The following XKR9 variants were observed in gnomAD, a reference collection of about 807,000 sequenced individuals.
XKR9 encodes the protein XK related 9.
A neutral mutation model predicts 32.0 loss-of-function variants in XKR9; 32 were observed. That is an observed-to-expected ratio of 1.00 (90% CI 0.76 to 1.34). The LOEUF is 1.34. XKR9 is among the 40% of genes most tolerant of loss of function. The pLI is 0.00. For synonymous variants in XKR9, 168 were observed against 143.4 expected (o/e 1.17, Z -1.22); for missense variants, 546 against 429.7 (o/e 1.27, Z -2.39).
At chr8:70,878,967 A>G in the XKR9 span, among the ~76,000 whole-genome samples, 13 of 152,238 alleles carry the variant, frequency 8.5e-5, no homozygotes, top group African/African-American at 3.1e-4. Flanking sequence ...CTCAGACCAC[A>G]GTACAATCAA....
chr8:71,031,715 A>G, the XKR9 span, among the ~76,000 whole-genome samples: 1 of 152,236 alleles, frequency 6.6e-6, no homozygotes, highest in Admixed American at 6.5e-5. Flanking sequence ...TGTTTTTTCA[A>G]TCTGAGTAAA....
At chr8:70,870,792 T>C in the XKR9 span, among the ~76,000 whole-genome samples, 1 of 152,214 alleles carries the variant, frequency 6.6e-6, no homozygotes, top group Non-Finnish European at 1.5e-5. Context: ...AAAATAAATC[T>C]TTAGCTCATA....
chr8:70,703,954 G>A (rs1395740622), intron 3 of XKR9, among the ~76,000 whole-genome samples: 1 of 152,090 alleles, frequency 6.6e-6, no homozygotes, highest in Non-Finnish European at 1.5e-5. Context: ...AGCCTGAGGT[G>A]GGTGGATCAT....
intron 2 of XKR9, among the ~76,000 whole-genome samples, chr8:70,746,643 A>C (rs1178112515): frequency 1.3e-5 from 2 of 151,896 alleles, no homozygotes; most frequent in African/African-American, 4.8e-5. Context: ...CAGAACTTGA[A>C]AATTTCTTTG....
intron 4 of XKR9, among the ~76,000 whole-genome samples, chr8:70,716,434 G>A (rs1586849789): frequency 1.4e-5 from 1 of 70,404 alleles, no homozygotes; most frequent in Admixed American, 1.3e-4. Context: ...GGGCTGCGGT[G>A]GGGGGCCTTA....
At chr8:70,876,961 A>T in the XKR9 span, among the ~76,000 whole-genome samples, 2 of 152,156 alleles carry the variant, frequency 1.3e-5, no homozygotes, top group Non-Finnish European at 2.9e-5. Flanking sequence ...TTATCATTGC[A>T]TCTGTAATAG....
the XKR9 span, among the ~76,000 whole-genome samples, chr8:70,826,590 A>G: frequency 6.6e-6 from 1 of 152,154 alleles, no homozygotes; most frequent in African/African-American, 2.4e-5. Flanking sequence ...ACTTCCTTTA[A>G]GAATTGTAAT....
At chr8:71,009,093 A>T in the XKR9 span, among the ~76,000 whole-genome samples, 2 of 152,052 alleles carry the variant, frequency 1.3e-5, no homozygotes, top group African/African-American at 4.8e-5. Context: ...TGGTAAGTGG[A>T]TGAGGACTCT....
chr8:70,722,876 A>G (rs994162709), intron 4 of XKR9, among the ~76,000 whole-genome samples: 2 of 151,670 alleles, frequency 1.3e-5, no homozygotes, highest in Non-Finnish European at 2.9e-5. Flanking sequence ...CCTGGATAAT[A>G]TCCTGAAATT....
chr8:70,750,338 A>G (rs1407751859), intron 2 of XKR9, among the ~76,000 whole-genome samples: 1 of 152,228 alleles, frequency 6.6e-6, no homozygotes, highest in African/African-American at 2.4e-5. Flanking sequence ...TGAATGGAGT[A>G]TATTTTTTTC....
At chr8:70,899,876 G>A in the XKR9 span, among the ~76,000 whole-genome samples, 2 of 152,044 alleles carry the variant, frequency 1.3e-5, no homozygotes, top group African/African-American at 2.4e-5. Flanking sequence ...ACAAAGCTGA[G>A]ATCATTTTAA....
chr8:70,864,096 C>G, the XKR9 span, among the ~76,000 whole-genome samples: 1 of 152,186 alleles, frequency 6.6e-6, no homozygotes, highest in Non-Finnish European at 1.5e-5. Context: ...TGCCAACAAG[C>G]ATTTATTGAG....
At chr8:70,874,659 G>T in the XKR9 span, among the ~76,000 whole-genome samples, 1 of 152,188 alleles carries the variant, frequency 6.6e-6, no homozygotes, top group African/African-American at 2.4e-5. Context: ...GCTTGAAGCT[G>T]AAAAACAGGA....
rs779111285 is a variant in XKR9 at position 70,707,029 on chromosome 8, A to T, written c.369A>T (p.Glu123Asp). 1.9e-6 allele frequency: 3 copies of T among 1,613,442 alleles called. No homozygotes were observed. In the East Asian group the frequency reaches 6.7e-5, roughly 36 times the overall value. ...FVEEQIDLHK[E>D]VIDRVTDLSM... ...AAGAACAAATTGATCTACATAAAGA[A>T]GTTATAGATAGAGTGACTGATTTGA... The change falls in exon 4 of 5, where the codon GAA becomes GAT. Residue 123 changes from glutamate (E) to aspartate (D), a missense_variant. Glu to Asp is a conservative substitution (Grantham distance 45). Transcript: ENST00000408926.
At chr8:70,931,861 A>G in the XKR9 span, among the ~76,000 whole-genome samples, 18 of 152,346 alleles carry the variant, frequency 1.2e-4, no homozygotes, top group African/African-American at 4.1e-4. Context: ...GTGCTATGCC[A>G]TTAATGAGAG....
rs1417620969 is a variant in XKR9, at chr8:70,734,117, T to G, written c.815T>G (p.Ile272Ser). Residue 272 changes from isoleucine to serine, a missense_variant, in exon 5 of 5, where the codon ATC becomes AGC. Ile to Ser is a moderately radical substitution (Grantham distance 142). Coordinates refer to ENST00000408926, the MANE Select transcript of XKR9 (RefSeq NM_001011720.2). ...AGGATTGTTGTTGGATTCATTCTTA[T>G]CTTTACATTTTTTAATATTAAGGGA... ...LYRIVVGFILIFTFFNIKGQN... is the reference protein window; with the variant it reads ...LYRIVVGFILSFTFFNIKGQN... 1.9e-6 allele frequency: 3 copies of G among 1,612,542 alleles called. No homozygotes were observed. In the African/African-American group the frequency reaches 4.0e-5, roughly 22 times the overall value.
At chr8:71,016,948 G>A in the XKR9 span, among the ~76,000 whole-genome samples, 1 of 151,930 alleles carries the variant, frequency 6.6e-6, no homozygotes, top group African/African-American at 2.4e-5. Context: ...GTTTCCTTAG[G>A]AAAAAGTACG....
At chr8:70,765,469 A>G (rs1260019310) in intron 2 of XKR9, among the ~76,000 whole-genome samples, 1 of 152,192 alleles carries the variant, frequency 6.6e-6, no homozygotes, top group Non-Finnish European at 1.5e-5. Context: ...AATTCTGGAT[A>G]TTATCCCTTT....
intron 2 of XKR9, among the ~76,000 whole-genome samples, chr8:70,776,947 C>CTCTCTCTCTCTCTCTCTCTA: frequency 1.4e-3 from 78 of 54,200 alleles, no homozygotes; most frequent in Admixed American, 6.2e-3. Context: ...CTCTCTCTCT[C>CTCTCTCTCTCTCTCTCTCTA]TATATATATA....
Sources: gnomAD v4.1 joint callset for allele counts (sites outside exome capture counted in the v4.1 genomes callset) on GRCh38, gnomAD v4.1.1 for gene constraint, MANE v1.5 for transcripts, NCBI Gene and HGNC (gene_info 2026-07-23, HGNC 2026-07-21) for gene names.